The following UPF3A variants were observed in gnomAD, a reference collection of about 807,000 sequenced individuals.
UPF3A encodes the protein UPF3A regulator of nonsense mediated mRNA decay, also known as regulator of nonsense transcripts 3A.
A neutral mutation model predicts 53.5 loss-of-function variants in UPF3A; 42 were observed. The ratio of observed to expected loss-of-function variants is 0.78; its 90% CI spans 0.61 to 1.01. UPF3A has a LOEUF of 1.01. Among genes scored for constraint, UPF3A ranks in the 50% least tolerant of loss-of-function variants. UPF3A has a pLI of 0.00. For missense variants in UPF3A, 575 were observed against 598.0 expected, an observed-to-expected ratio of 0.96 and a Z score of 0.40; for synonymous variants, 237 against 225.3, an observed-to-expected ratio of 1.05 and a Z score of -0.47.
intron 8 of UPF3A, 59 bp from the exon 9 acceptor site, chr13:114,301,672 A>C: frequency 1.3e-6 from 2 of 1,550,154 alleles, no homozygotes; most frequent in South Asian, 2.5e-5. Context: ...TCTAGAAAGG[A>C]GGGTGGGCAG....
At chr13:114,285,822 A>C (rs2084628812) in intron 3 of UPF3A, 1 of 154,506 alleles carries the variant, frequency 6.5e-6, no homozygotes, top group Non-Finnish European at 1.4e-5. Context: ...ACAAATTGAT[A>C]GTTGAATTAA....
rs748713506 is a variant in UPF3A, at chr13:114,304,838, G to A, written c.1352G>A (p.Arg451Gln). The A allele has an allele frequency of 7.4e-6, 12 of 1,613,758 alleles. No homozygotes were observed. The highest frequency in any genetic ancestry group is 5.0e-5 in the Admixed American group (3 of 59,998). ...LYDPGARFRA[R>Q]ECGGNRRICK... ...GATCCAGGAGCTCGCTTCCGAGCGC[G>A]AGAGTGTGGCGGAAACAGGAGGATC... The change falls in exon 10 of 10, where the codon CGA (arginine) becomes CAA (glutamine). Residue 451 changes from arginine (R) to glutamine (Q), a missense_variant. This residue lies in a region of UPF3A where 323 missense variants were observed against 415.2 expected (regional missense o/e 0.78). Coordinates refer to ENST00000375299, the MANE Select transcript of UPF3A (RefSeq NM_023011.4).
At chr13:114,291,573 C>T (rs763445469) in intron 6 of UPF3A, 29 bp downstream of exon 6, 30 of 1,603,496 alleles carry the variant, frequency 1.9e-5, no homozygotes, top group Non-Finnish European at 2.5e-5. Flanking sequence ...TGATGAACAC[C>T]CTCCCTGCTT....
intron 3 of UPF3A, 21 bp from the exon 4 acceptor site, chr13:114,286,281 G>C: frequency 6.2e-7 from 1 of 1,610,776 alleles, no homozygotes; most frequent in South Asian, 1.1e-5. Context: ...ATGGCTTCTG[G>C]AACATGTTTC....
chr13:114,282,704 C>T, intron 2 of UPF3A, 133 bp from the exon 3 acceptor site: 2 of 1,486,700 alleles, frequency 1.3e-6, no homozygotes, highest in Non-Finnish European at 8.9e-7. Context: ...CAAGTTGTTA[C>T]AATTAACTGA....
intron 5 of UPF3A, among the ~76,000 whole-genome samples, chr13:114,288,504 T>A (rs1357792395): frequency 3.3e-5 from 5 of 152,186 alleles, no homozygotes; most frequent in Non-Finnish European, 1.5e-5. Context: ...GAGTGCAGGC[T>A]TGTGGGGTTG....
intron 1 of UPF3A, 73 bp downstream of exon 1, chr13:114,281,919 G>T (rs2084066008): frequency 4.1e-6 from 4 of 985,870 alleles, no homozygotes; most frequent in Non-Finnish European, 6.0e-6. Flanking sequence ...GGAGGGAGGG[G>T]AGGGAGGGGC....
intron 8 of UPF3A, among the ~76,000 whole-genome samples, chr13:114,300,889 G>A (rs141582648): frequency 0.029 from 4,328 of 151,812 alleles, 114 homozygotes; most frequent in Non-Finnish European, 0.04. Context: ...TGGCCAGGCT[G>A]CTCTCAATCT....
At chr13:114,301,686 A>T (rs751907605) in intron 8 of UPF3A, 45 bp from the exon 9 acceptor site, 1 of 1,572,670 alleles carries the variant, frequency 6.4e-7, no homozygotes, top group African/African-American at 1.4e-5. Context: ...TGGGCAGCCA[A>T]CCGGCGGTTT....
At chr13:114,286,656 T>A in intron 5 of UPF3A, 27 bp downstream of exon 5, 1 of 1,556,318 alleles carries the variant, frequency 6.4e-7, no homozygotes, top group African/African-American at 1.4e-5. Flanking sequence ...TCTTCTCTTT[T>A]CTTTATTGAG....
rs1417628194 is a variant in UPF3A, at chr13:114,283,779, C to T, written c.421+836C>T. On this transcript the variant is annotated intron_variant, in intron 3 of 9. Coordinates refer to ENST00000375299, the MANE Select transcript of UPF3A (RefSeq NM_023011.4). ...GCTTTCATCTTTTTCCTTCTCTTCTCCTGTCAGGCTGTCTGCTGTTGTGTT... is the reference window on the plus strand; with the variant it reads ...GCTTTCATCTTTTTCCTTCTCTTCTTCTGTCAGGCTGTCTGCTGTTGTGTT... 7.1e-6 allele frequency: 7 copies of T among 985,532 alleles called. No individual in the cohort carries two copies. In the African/African-American group the frequency reaches 8.7e-5, roughly 12 times the overall value. The allele number at this position is 985,532 out of a possible 1,614,324, so 61.0% of individuals were successfully genotyped here.
At chr13:114,302,179 G>A (rs1487717347) in intron 9 of UPF3A, among the ~76,000 whole-genome samples, 154 bp downstream of exon 9, 1 of 152,190 alleles carries the variant, frequency 6.6e-6, no homozygotes, top group Non-Finnish European at 1.5e-5. Flanking sequence ...AGATCCCAGA[G>A]TGAGACTAGT....
At chr13:114,295,138 T>G (rs1394467873) in intron 7 of UPF3A, among the ~76,000 whole-genome samples, 1 of 148,054 alleles carries the variant, frequency 6.8e-6, no homozygotes, top group Non-Finnish European at 1.5e-5. Flanking sequence ...AGAAAAGAAA[T>G]ACGGCACACA....
At chr13:114,289,698 C>T (rs1020226057) in intron 5 of UPF3A, among the ~76,000 whole-genome samples, 6 of 152,080 alleles carry the variant, frequency 3.9e-5, no homozygotes, top group Admixed American at 1.3e-4. Flanking sequence ...TCTGGTGCAT[C>T]GGCCTTTAGC....
At chr13:114,304,601 A>G (rs1221231071) in intron 9 of UPF3A, among the ~76,000 whole-genome samples, 188 bp from the exon 10 acceptor site, 1 of 152,246 alleles carries the variant, frequency 6.6e-6, no homozygotes, top group East Asian at 1.9e-4. Flanking sequence ...CAGTGTTTAC[A>G]TGGCTTTTTT....
Position 114,301,926 on chromosome 13 carries a change from C to T in UPF3A, c.1203C>T (p.Ser401=), listed in dbSNP as rs1198788815. Residue 401 remains serine (S), a synonymous_variant, in exon 9 of 10, where the codon AGC becomes AGT. Transcript: ENST00000375299. ...GPGQDRGKKG[S]QDSGAPGEAM... ...GCCAAGACAGAGGGAAGAAGGGGAGCCAGGACAGCGGGGCTCCGGGGGAGG... is the reference window on the plus strand; with the variant it reads ...GCCAAGACAGAGGGAAGAAGGGGAGTCAGGACAGCGGGGCTCCGGGGGAGG... 1.2e-6 allele frequency: 2 copies of T among 1,610,128 alleles called. No individual in the cohort carries two copies. Among genetic ancestry groups the T allele is most frequent in the Non-Finnish European group, 1.7e-6 (2 of 1,178,298 alleles).
At chr13:114,304,044 T>A (rs984427710) in intron 9 of UPF3A, among the ~76,000 whole-genome samples, 4 of 152,210 alleles carry the variant, frequency 2.6e-5, no homozygotes. Flanking sequence ...ACACTTGGGC[T>A]CCTGGTGGCT....
intron 5 of UPF3A, among the ~76,000 whole-genome samples, chr13:114,287,812 C>T (rs2084872872): frequency 1.3e-5 from 2 of 152,182 alleles, no homozygotes; most frequent in South Asian, 4.2e-4. Context: ...CTTCATTTAT[C>T]TAGTAATAAA....
At chr13:114,302,692 G>C (rs757542635) in intron 9 of UPF3A, among the ~76,000 whole-genome samples, 2 of 152,184 alleles carry the variant, frequency 1.3e-5, no homozygotes, top group East Asian at 3.8e-4. Context: ...TTTCAAGAAT[G>C]CTTGATAAAT....
Sources: allele counts gnomAD v4.1 joint callset (sites outside exome capture counted in the v4.1 genomes callset), GRCh38; gene constraint gnomAD v4.1.1; regional missense constraint gnomAD v4.1.1; transcripts MANE v1.5; gene names NCBI Gene and HGNC (gene_info 2026-07-23, HGNC 2026-07-21).